The following SEZ6L variants were observed in gnomAD, a reference collection of about 807,000 sequenced individuals.
SEZ6L encodes the protein seizure related 6 homolog like.
Under a neutral mutation model 106.2 loss-of-function variants are expected in SEZ6L, and 37 were observed. That is an observed-to-expected ratio of 0.35 (90% CI 0.27 to 0.46). The LOEUF is 0.46. SEZ6L is among the 20% of genes least tolerant of loss of function. SEZ6L has a pLI of 1.00. For missense variants in SEZ6L, 1,172 were observed against 1,332.8 expected (o/e 0.88, Z 1.88); for synonymous variants, 541 against 570.4 (o/e 0.95, Z 0.73).
intron 12 of SEZ6L, among the ~76,000 whole-genome samples, chr22:26,363,133 T>G (rs954387174): frequency 2.0e-5 from 3 of 152,228 alleles, no homozygotes; most frequent in African/African-American, 7.2e-5. Flanking sequence ...CATGTAACAA[T>G]GTGAACCCAG....
At chr22:26,337,286 G>C (rs1229693549) in intron 9 of SEZ6L, among the ~76,000 whole-genome samples, 2 of 152,114 alleles carry the variant, frequency 1.3e-5, no homozygotes, top group African/African-American at 4.8e-5. Flanking sequence ...GTTGCCGTAT[G>C]GTTTTAAAAT....
In SEZ6L at chr22:26,351,171, A is replaced by G. The variant is rs1196655571; in HGVS notation, c.2527A>G (p.Ser843Gly). 3 of 1,614,004 alleles carry G rather than the reference A, an allele frequency of 1.9e-6. No homozygotes were observed. Among genetic ancestry groups the G allele is most frequent in the East Asian group, 4.5e-5 (2 of 44,884 alleles). ...TCNPGFVLEG[S>G]SLLTCYSRET... ...CAACCCCGGTTTTGTGCTTGAAGGGAGTTCTCTTCTGACCTGCTACAGCCG... is the reference window on the plus strand; with the variant it reads ...CAACCCCGGTTTTGTGCTTGAAGGGGGTTCTCTTCTGACCTGCTACAGCCG... Residue 843 changes from serine (S) to glycine (G), a missense_variant, in exon 12 of 17, where the codon AGT becomes GGT. Physicochemically the swap from Ser to Gly is moderately conservative, Grantham distance 56 (BLOSUM62 0). Around this residue, in one of 4 missense-constraint regions of SEZ6L, gnomAD observed 534 missense variants for 691.0 expected, o/e 0.77. Coordinates refer to ENST00000248933, the MANE Select transcript of SEZ6L (RefSeq NM_021115.5).
At chr22:26,345,945 T>C (rs1013277875) in intron 10 of SEZ6L, among the ~76,000 whole-genome samples, 4 of 152,230 alleles carry the variant, frequency 2.6e-5, no homozygotes, top group Admixed American at 6.5e-5. Flanking sequence ...TTCTGGAGTA[T>C]GGTTCATTTT....
At chr22:26,314,460 TTG>T (rs2081941850) in intron 9 of SEZ6L, among the ~76,000 whole-genome samples, 1 of 152,154 alleles carries the variant, frequency 6.6e-6, no homozygotes, top group Non-Finnish European at 1.5e-5. Context: ...TGGACTACAG[TTG>T]TTTATTTTCC....
intron 12 of SEZ6L, among the ~76,000 whole-genome samples, chr22:26,360,451 G>T (rs1345185286): frequency 6.6e-6 from 1 of 152,200 alleles, no homozygotes; most frequent in African/African-American, 2.4e-5. Flanking sequence ...ATCATTGTAT[G>T]CCCGGCGCAT....
At position 26,382,580 on chromosome 22, in the gene SEZ6L, T is replaced by C. The variant is rs1042331116; in HGVS notation, c.*2285T>C. 2.0e-5 allele frequency: 3 copies of C among 152,786 alleles called. No individual in the cohort carries two copies. Among genetic ancestry groups the C allele is most frequent in the Non-Finnish European group, 2.9e-5 (2 of 68,542 alleles). 9.5% of individuals were successfully genotyped at this position (152,786 alleles called of 1,614,324 possible). A position where few individuals can be genotyped will look rare whatever the true frequency, so the allele number is the denominator to read the frequency against. The stretch of plus-strand genomic sequence containing the variant: ...TCAGAAGACCAGTGTCTCAGTTCTG[T>C]CTTAGTAGTACCACACCCGTAACCG... On this transcript the variant is annotated 3_prime_UTR_variant, in exon 17 of 17. Coordinates refer to ENST00000248933, the MANE Select transcript of SEZ6L (RefSeq NM_021115.5).
At chr22:26,334,028 G>A (rs969220372) in intron 9 of SEZ6L, among the ~76,000 whole-genome samples, 4 of 152,028 alleles carry the variant, frequency 2.6e-5, no homozygotes, top group South Asian at 4.2e-4. Context: ...CGGGGCAGGC[G>A]GCAATGCAAA....
In SEZ6L at chr22:26,361,125, A is replaced by G. The variant is rs569296708; in HGVS notation, c.2600-4247A>G. 2.1e-4 allele frequency among the ~76,000 whole-genome samples: 32 copies of G among 152,284 alleles called. No homozygotes were observed. In the South Asian group the frequency reaches 6.4e-3, roughly 31 times the overall value. ...CTGACATGTGAAACCTCTGATTATA[A>G]GACTATTATTATTTAGAGTGAGGCT... On this transcript the variant is annotated intron_variant, in intron 12 of 16. Transcript: ENST00000248933.
intron 1 of SEZ6L, among the ~76,000 whole-genome samples, chr22:26,279,537 T>C (rs1290227853): frequency 1.3e-5 from 2 of 152,138 alleles, no homozygotes; most frequent in African/African-American, 2.4e-5. Flanking sequence ...GATCTGTCCA[T>C]GTTCATCCTG....
intron 1 of SEZ6L, among the ~76,000 whole-genome samples, chr22:26,173,215 A>G (rs556118537): frequency 6.6e-6 from 1 of 152,200 alleles, no homozygotes; most frequent in Non-Finnish European, 1.5e-5. Flanking sequence ...AGTAATGTTT[A>G]TTTCTTTCTT....
intron 5 of SEZ6L, among the ~76,000 whole-genome samples, chr22:26,299,780 T>A (rs1306263966): frequency 6.6e-6 from 1 of 152,260 alleles, no homozygotes; most frequent in Non-Finnish European, 1.5e-5. Flanking sequence ...AATGCTGCTG[T>A]GAACATTTGT....
At chr22:26,259,481 C>A (rs1274107227) in intron 1 of SEZ6L, among the ~76,000 whole-genome samples, 5 of 152,104 alleles carry the variant, frequency 3.3e-5, no homozygotes, top group African/African-American at 7.2e-5. Context: ...CAAGAAAAAG[C>A]AAAAGCACAA....
intron 1 of SEZ6L, among the ~76,000 whole-genome samples, chr22:26,258,603 G>C (rs1322482568): frequency 6.6e-6 from 1 of 152,194 alleles, no homozygotes; most frequent in Non-Finnish European, 1.5e-5. Context: ...TGAGGAAGTT[G>C]GGGTACAATG....
At chr22:26,325,945 AC>A (rs2082293631) in intron 9 of SEZ6L, among the ~76,000 whole-genome samples, 1 of 151,868 alleles carries the variant, frequency 6.6e-6, no homozygotes, top group Non-Finnish European at 1.5e-5. Flanking sequence ...ACACACACAC[AC>A]ACACACACAT....
At chr22:26,215,324 C>T (rs183141917) in intron 1 of SEZ6L, among the ~76,000 whole-genome samples, 83 of 152,218 alleles carry the variant, frequency 5.5e-4, no homozygotes, top group Admixed American at 1.7e-3. Flanking sequence ...ACCCATCACC[C>T]AAATATTAAA....
intron 10 of SEZ6L, among the ~76,000 whole-genome samples, chr22:26,342,496 T>A (rs1379960800): frequency 6.6e-6 from 1 of 151,394 alleles, no homozygotes; most frequent in Non-Finnish European, 1.5e-5. Context: ...GAGACCATCC[T>A]GGCTAACACA....
chr22:26,297,107 CAT>C (rs758919879), intron 4 of SEZ6L, 27 bp downstream of exon 4: 1 of 1,534,450 alleles, frequency 6.5e-7, no homozygotes, highest in Non-Finnish European at 8.8e-7. Flanking sequence ...GCTGATGAAA[CAT>C]AGGCGTTTGC....
At chr22:26,301,336 G>T (rs1040501232) in intron 5 of SEZ6L, among the ~76,000 whole-genome samples, 5 of 152,192 alleles carry the variant, frequency 3.3e-5, no homozygotes, top group African/African-American at 1.2e-4. Flanking sequence ...GTACTCATTC[G>T]ACAAACATCC....
At chr22:26,306,274 A>G (rs1351704041) in intron 6 of SEZ6L, 130 bp downstream of exon 6, 2 of 1,005,630 alleles carry the variant, frequency 2.0e-6, no homozygotes, top group Non-Finnish European at 1.4e-6. Context: ...GCTGGGGTGG[A>G]TGGCAAAGAT....
Sources: allele counts gnomAD v4.1 joint callset (sites outside exome capture counted in the v4.1 genomes callset), GRCh38; gene constraint gnomAD v4.1.1; regional missense constraint gnomAD v4.1.1; transcripts MANE v1.5; gene names NCBI Gene and HGNC (gene_info 2026-07-23, HGNC 2026-07-21).